The following RAP1GDS1 variants were observed in gnomAD, a reference collection of about 807,000 sequenced individuals.
RAP1GDS1 encodes the protein Rap1 GTPase-GDP dissociation stimulator 1.
A neutral mutation model predicts 71.1 loss-of-function variants in RAP1GDS1; 35 were observed. That is an observed-to-expected ratio of 0.49 (90% confidence interval 0.38 to 0.65). RAP1GDS1 has a LOEUF of 0.65. Among genes scored for constraint, RAP1GDS1 ranks in the 30% least tolerant of loss-of-function variants. The probability of loss-of-function intolerance (pLI) is 0.00; values close to 1 mark genes in which losing one functional copy is unlikely to be tolerated. For missense variants in RAP1GDS1, 663 were observed against 706.1 expected (o/e 0.94, Z 0.69); for synonymous variants, 229 against 243.1 (o/e 0.94, Z 0.54).
intron 2 of RAP1GDS1, among the ~76,000 whole-genome samples, chr4:98,299,840 C>T (rs943274198): frequency 4.0e-5 from 6 of 151,824 alleles, no homozygotes; most frequent in South Asian, 2.1e-4. Flanking sequence ...AGGTTGGTCT[C>T]GAACTCCTGA....
chr4:98,324,902 A>G (rs1463844527), intron 2 of RAP1GDS1, among the ~76,000 whole-genome samples: 2 of 152,206 alleles, frequency 1.3e-5, no homozygotes, highest in Non-Finnish European at 2.9e-5. Context: ...AATGGCAACA[A>G]AAGCCAAAAT....
intron 4 of RAP1GDS1, among the ~76,000 whole-genome samples, chr4:98,359,095 T>G (rs1738357184): frequency 1.3e-5 from 2 of 152,000 alleles, no homozygotes; most frequent in Admixed American, 6.6e-5. Flanking sequence ...TTTTAATGAG[T>G]TTGTGCAATT....
chr4:98,301,087 A>G (rs1560797756), intron 2 of RAP1GDS1, among the ~76,000 whole-genome samples: 2 of 152,154 alleles, frequency 1.3e-5, no homozygotes, highest in East Asian at 1.9e-4. Flanking sequence ...TTATTCTTTC[A>G]TAGTAGTATC....
At position 98,442,192 on chromosome 4, in the gene RAP1GDS1, A is replaced by G. The variant is rs1751969918; in HGVS notation, c.*75A>G. Reference sequence around the variant, plus strand: ...TCCATCCAGCGGCTTCTTCCGCTTCATTCTCTACCATACCACTTGTGCATG... The same window carrying G: ...TCCATCCAGCGGCTTCTTCCGCTTCGTTCTCTACCATACCACTTGTGCATG... On this transcript the variant is annotated 3_prime_UTR_variant, in exon 15 of 15. Coordinates refer to ENST00000408927, the MANE Select transcript of RAP1GDS1 (RefSeq NM_001100427.2). 1 of 1,563,892 alleles carries G rather than the reference A, an allele frequency of 6.4e-7. No homozygotes were observed. Among genetic ancestry groups the G allele is most frequent in the Non-Finnish European group, 8.6e-7 (1 of 1,156,818 alleles).
intron 3 of RAP1GDS1, among the ~76,000 whole-genome samples, chr4:98,351,357 AG>A (rs1412069048): frequency 1.3e-5 from 2 of 152,180 alleles, no homozygotes; most frequent in Non-Finnish European, 1.5e-5. Flanking sequence ...CAGCTATCTT[AG>A]GAGGAAAAGA....
intron 6 of RAP1GDS1, chr4:98,396,147 T>C (rs1744516802): frequency 6.6e-6 from 1 of 152,194 alleles, no homozygotes; most frequent in African/African-American, 2.4e-5. Context: ...TAACCATTCA[T>C]GAGGGACCTG....
At chr4:98,393,794 A>C (rs1436014085) in intron 6 of RAP1GDS1, among the ~76,000 whole-genome samples, 1 of 152,216 alleles carries the variant, frequency 6.6e-6, no homozygotes, top group African/African-American at 2.4e-5. Flanking sequence ...AAAATATAAA[A>C]TCTCATCAAT....
chr4:98,376,789 C>G lies in RAP1GDS1; in HGVS notation c.362-2228C>G, dbSNP rs998289973. ...GTATACAGATTGTGTTTATGCCTTG[C>G]AAACAATTCTCAATAACACATGAGC... On this transcript the variant is annotated intron_variant, in intron 4 of 14. Coordinates refer to ENST00000408927, the MANE Select transcript of RAP1GDS1 (RefSeq NM_001100427.2). 5.9e-5 allele frequency among the ~76,000 whole-genome samples: 9 copies of G among 151,934 alleles called. No individual in the cohort carries two copies. In the South Asian group the frequency reaches 1.9e-3, roughly 32 times the overall value.
intron 1 of RAP1GDS1, among the ~76,000 whole-genome samples, chr4:98,277,373 C>G (rs1724377191): frequency 6.6e-6 from 1 of 152,168 alleles, no homozygotes; most frequent in Non-Finnish European, 1.5e-5. Flanking sequence ...TCTAATATTG[C>G]TTCAATTGCC....
chr4:98,375,806 T>C (rs996246958), intron 4 of RAP1GDS1, among the ~76,000 whole-genome samples: 1 of 152,196 alleles, frequency 6.6e-6, no homozygotes, highest in African/African-American at 2.4e-5. Flanking sequence ...GCATTTGCCA[T>C]ACACAAGGAG....
intron 1 of RAP1GDS1, among the ~76,000 whole-genome samples, chr4:98,292,382 C>T (rs1727093618): frequency 6.6e-6 from 1 of 152,014 alleles, no homozygotes. Context: ...GATCCTTCCA[C>T]CTTGGCCTCC....
chr4:98,392,647 T>C (rs1414793167), intron 6 of RAP1GDS1, among the ~76,000 whole-genome samples: 2 of 151,982 alleles, frequency 1.3e-5, no homozygotes, highest in Non-Finnish European at 2.9e-5. Context: ...GTTGCAGTGA[T>C]CCGACATCAT....
Position 98,343,275 on chromosome 4 carries a change from CA to C in RAP1GDS1, c.235+16del. On this transcript the variant is annotated intron_variant, in intron 3 of 14. Transcript: ENST00000408927. ...TAGCCAAAAATGGTGAGGTTTACCT[CA>C]AGAACTTTTCTGCTGGGAACGTCTT... The C allele has an allele frequency of 6.3e-7, 1 of 1,588,254 alleles. No homozygotes were observed. Among genetic ancestry groups the C allele is most frequent in the Non-Finnish European group, 8.6e-7 (1 of 1,156,906 alleles).
intron 12 of RAP1GDS1, among the ~76,000 whole-genome samples, chr4:98,432,170 G>A (rs149149585): frequency 0.015 from 2,276 of 152,278 alleles, 23 homozygotes; most frequent in Middle Eastern, 0.031. Flanking sequence ...TTCCGGAAAA[G>A]TGAGATGAAA....
chr4:98,278,041 A>G (rs1451202995), intron 1 of RAP1GDS1, among the ~76,000 whole-genome samples: 2 of 152,200 alleles, frequency 1.3e-5, no homozygotes, highest in South Asian at 2.1e-4. Context: ...AGAGTGGCCA[A>G]CACGGCTACT....
intron 14 of RAP1GDS1, among the ~76,000 whole-genome samples, chr4:98,437,808 T>A (rs572737064): frequency 1.9e-4 from 26 of 135,362 alleles, no homozygotes; most frequent in Non-Finnish European, 2.7e-4. Context: ...AAAAAAAAAA[T>A]TTTTTTTTTC....
At position 98,280,070 on chromosome 4, in the gene RAP1GDS1, C is replaced by G. The variant is rs570000853; in HGVS notation, c.5-13338C>G. On this transcript the variant is annotated intron_variant, in intron 1 of 14. Transcript: ENST00000408927. The stretch of plus-strand genomic sequence containing the variant: ...TGTGAATAGTGCCGCAATAAACATA[C>G]ATGTGCATGTGTCTTTATAGTAGCA... Among the ~76,000 whole-genome samples, 52 of 152,270 alleles carry G rather than the reference C, an allele frequency of 3.4e-4. No individual in the cohort carries two copies. In the South Asian group the frequency reaches 0.011, roughly 32 times the overall value.
chr4:98,436,785 CA>C (rs772627866), intron 13 of RAP1GDS1, among the ~76,000 whole-genome samples, 154 bp from the exon 14 acceptor site: 1 of 152,188 alleles, frequency 6.6e-6, no homozygotes, highest in Non-Finnish European at 1.5e-5. Context: ...TTACTCTTTT[CA>C]CATGGTCTGA....
intron 2 of RAP1GDS1, among the ~76,000 whole-genome samples, chr4:98,312,055 A>G (rs1295537770): frequency 2.0e-5 from 3 of 152,220 alleles, no homozygotes; most frequent in African/African-American, 7.2e-5. Flanking sequence ...ATGGTAAATA[A>G]TGGAAAGCAG....
Sources: gnomAD v4.1 joint callset for allele counts (sites outside exome capture counted in the v4.1 genomes callset) on GRCh38, gnomAD v4.1.1 for gene constraint, MANE v1.5 for transcripts, NCBI Gene and HGNC (gene_info 2026-07-23, HGNC 2026-07-21) for gene names.